SDR16C5: variants seen among roughly 807,000 people sequenced by gnomAD.
SDR16C5 encodes epidermal retinol dehydrogenase 2.
Under a neutral mutation model 27.7 loss-of-function variants are expected in SDR16C5, and 20 were observed. That is an observed-to-expected ratio of 0.72 (90% CI 0.51 to 1.05). SDR16C5 has a LOEUF of 1.05. Among genes scored for constraint, SDR16C5 ranks in the 50% least tolerant of loss-of-function variants. The pLI is 0.00. For synonymous variants in SDR16C5, 139 were observed against 132.3 expected, an observed-to-expected ratio of 1.05 and a Z score of -0.35; for missense variants, 374 against 366.3, an observed-to-expected ratio of 1.02 and a Z score of -0.17.
chr8:56,305,683 T>G lies in SDR16C5; in HGVS notation c.750A>C (p.Ala250=), dbSNP rs767576869. The change falls in exon 6 of 7, where the codon GCA becomes GCC. Residue 250 remains alanine, a synonymous_variant. Coordinates refer to ENST00000303749, the MANE Select transcript of SDR16C5 (RefSeq NM_138969.4). ...SLLPILEPKY[A]VEKIVEAILQ... ...GAATAGCTTCTACTATTTTTTCAACTGCATATTTTGGTTCCAGAATTGGCA... is the reference window on the plus strand; with the variant it reads ...GAATAGCTTCTACTATTTTTTCAACGGCATATTTTGGTTCCAGAATTGGCA... 6.2e-7 allele frequency: 1 copy of G among 1,603,390 alleles called. No homozygotes were observed. The highest frequency in any genetic ancestry group is 1.1e-5 in the South Asian group (1 of 87,122).
rs1357652431 is a variant in SDR16C5 at position 56,300,281 on chromosome 8, C to A, written c.*1199G>T. On this transcript the variant is annotated 3_prime_UTR_variant, in exon 7 of 7. Transcript: ENST00000303749. Reference sequence around the variant, plus strand: ...CCATAGTGGATTCCAGAGTTTACACCCCCTGAGACTGCTGCCCCTATGACA... The same window carrying A: ...CCATAGTGGATTCCAGAGTTTACACACCCTGAGACTGCTGCCCCTATGACA... 1 of 151,898 alleles carries A rather than the reference C, an allele frequency of 6.6e-6. No homozygotes were observed. The allele number at this position is 151,898 out of a possible 1,614,324, so 9.4% of individuals were successfully genotyped here. A position where few individuals can be genotyped will look rare whatever the true frequency, so the allele number is the denominator to read the frequency against.
Position 56,301,167 on chromosome 8 carries a change from A to G in SDR16C5, c.*313T>C, listed in dbSNP as rs1455424039. The G allele has an allele frequency of 4.3e-6, 1 of 232,786 alleles. No homozygotes were observed. The highest frequency in any genetic ancestry group is 8.5e-6 in the Non-Finnish European group (1 of 117,356). The allele number at this position is 232,786 out of a possible 1,614,324, so 14.4% of individuals were successfully genotyped here. Reference sequence around the variant, plus strand: ...TGGCTCCATTTGAGCCACCTCCCCAACGACCAAAGCTCAGGGCAGCTCATG... The same window carrying G: ...TGGCTCCATTTGAGCCACCTCCCCAGCGACCAAAGCTCAGGGCAGCTCATG... On this transcript the variant is annotated 3_prime_UTR_variant, in exon 7 of 7. Coordinates refer to ENST00000303749, the MANE Select transcript of SDR16C5 (RefSeq NM_138969.4).
At chr8:56,317,563 G>C (rs972644355) in intron 1 of SDR16C5, among the ~76,000 whole-genome samples, 11 of 152,188 alleles carry the variant, frequency 7.2e-5, no homozygotes, top group African/African-American at 2.7e-4. Context: ...CAGGTGTGAG[G>C]AGACAGGAGG....
At position 56,305,236 on chromosome 8, in the gene SDR16C5, G is replaced by A. The variant is rs1409215207; in HGVS notation, c.836+361C>T. Among the ~76,000 whole-genome samples the A allele has an allele frequency of 2.0e-5, 3 of 152,156 alleles. No homozygotes were observed. In the East Asian group the frequency reaches 5.8e-4, roughly 29 times the overall value. ...GACTTTGGGACCCTGTACTTGAGGA[G>A]GCATGGATACAATATCTATTCCAAC... On this transcript the variant is annotated intron_variant, in intron 6 of 6. Coordinates refer to ENST00000303749, the MANE Select transcript of SDR16C5 (RefSeq NM_138969.4).
In SDR16C5 at chr8:56,300,349, T is replaced by C. The variant is rs1814720110; in HGVS notation, c.*1131A>G. The C allele has an allele frequency of 6.6e-6, 1 of 152,040 alleles. No homozygotes were observed. Among genetic ancestry groups the C allele is most frequent in the African/African-American group, 2.4e-5 (1 of 41,378 alleles). The allele number at this position is 152,040 out of a possible 1,614,324, so 9.4% of individuals were successfully genotyped here. A position where few individuals can be genotyped will look rare whatever the true frequency, so the allele number is the denominator to read the frequency against. Reference sequence around the variant, plus strand: ...TAGTCAAATTCTCAATTCTTTAGACTTTTACCGGGTCTCCCAAGGTACCGC... The same window carrying C: ...TAGTCAAATTCTCAATTCTTTAGACCTTTACCGGGTCTCCCAAGGTACCGC... On this transcript the variant is annotated 3_prime_UTR_variant, in exon 7 of 7. Transcript: ENST00000303749.
chr8:56,304,400 C>T (rs1000172263), intron 6 of SDR16C5, among the ~76,000 whole-genome samples: 1 of 152,118 alleles, frequency 6.6e-6, no homozygotes, highest in Non-Finnish European at 1.5e-5. Context: ...CTGTTACAGT[C>T]TAGAAAATGA....
At position 56,311,363 on chromosome 8, in the gene SDR16C5, C is replaced by T. The variant is rs112507099; in HGVS notation, c.465+794G>A. Among the ~76,000 whole-genome samples, 697 of 152,242 alleles carry T rather than the reference C, an allele frequency of 4.6e-3. 5 individuals carry two copies. Among genetic ancestry groups the T allele is most frequent in the African/African-American group, 0.016 (656 of 41,522 alleles). On this transcript the variant is annotated intron_variant, in intron 3 of 6. Coordinates refer to ENST00000303749, the MANE Select transcript of SDR16C5 (RefSeq NM_138969.4). ...CCGGGAGGTTGGAGGTTGCAGTGAG[C>T]TGAGATCACACCACTGAACTCCAGC...
At chr8:56,307,157 G>A (rs955894898) in intron 4 of SDR16C5, among the ~76,000 whole-genome samples, 5 of 152,174 alleles carry the variant, frequency 3.3e-5, no homozygotes, top group Admixed American at 6.6e-5. Context: ...TCAAAAAATT[G>A]CAATCCCATT....
intron 1 of SDR16C5, among the ~76,000 whole-genome samples, chr8:56,316,626 C>T (rs1815206136): frequency 6.6e-6 from 1 of 152,156 alleles, no homozygotes; most frequent in Non-Finnish European, 1.5e-5. Flanking sequence ...TGTTTGTTAA[C>T]CAGGAACTGT....
intron 3 of SDR16C5, among the ~76,000 whole-genome samples, chr8:56,311,169 T>C (rs1815035601): frequency 6.6e-6 from 1 of 152,174 alleles, no homozygotes; most frequent in Non-Finnish European, 1.5e-5. Context: ...ATCCCAGCAC[T>C]GTGGGAGGCC....
chr8:56,306,198 A>G (rs6990516), intron 5 of SDR16C5, among the ~76,000 whole-genome samples: 1,621 of 152,254 alleles, frequency 0.011, 27 homozygotes, highest in African/African-American at 0.037. Context: ...CATGAATGGG[A>G]TTAGTGCCTG....
At chr8:56,319,841 C>T (rs1321359972) in intron 1 of SDR16C5, among the ~76,000 whole-genome samples, 2 of 152,162 alleles carry the variant, frequency 1.3e-5, no homozygotes, top group African/African-American at 4.8e-5. Flanking sequence ...TTAGCCGTAG[C>T]CACGGGAGCC....
At chr8:56,317,295 G>C (rs949538082) in intron 1 of SDR16C5, among the ~76,000 whole-genome samples, 2 of 152,018 alleles carry the variant, frequency 1.3e-5, no homozygotes, top group African/African-American at 4.8e-5. Context: ...GCATCCACTA[G>C]GTCTGCTGAA....
intron 3 of SDR16C5, 55 bp from the exon 4 acceptor site, chr8:56,309,082 C>T: frequency 7.4e-7 from 1 of 1,350,644 alleles, no homozygotes; most frequent in Non-Finnish European, 1.0e-6. Flanking sequence ...ATAATTTTCT[C>T]AGATATTTAT....
rs1402579406 is a variant in SDR16C5 at position 56,306,829 on chromosome 8, G to C, written c.566-9C>G. On this transcript the variant is annotated splice_polypyrimidine_tract_variant and intron_variant, in intron 4 of 6. Transcript: ENST00000303749. ...TTTACTTGCACAGTAATCTGAAAAA[G>C]ACAAAGCATGATAACGTATATTCCA... 2 of 1,607,858 alleles carry C rather than the reference G, an allele frequency of 1.2e-6. No homozygotes were observed. The highest frequency in any genetic ancestry group is 3.4e-5 in the Admixed American group (2 of 58,666).
chr8:56,317,513 T>C (rs1815231324), intron 1 of SDR16C5, among the ~76,000 whole-genome samples: 1 of 152,162 alleles, frequency 6.6e-6, no homozygotes, highest in Non-Finnish European at 1.5e-5. Context: ...GGGAGCCTTC[T>C]CTGAATGGGG....
intron 1 of SDR16C5, among the ~76,000 whole-genome samples, chr8:56,317,936 T>C (rs1201316182): frequency 6.6e-6 from 1 of 152,228 alleles, no homozygotes; most frequent in Non-Finnish European, 1.5e-5. Flanking sequence ...CCAAGTAATC[T>C]AGTTGAAGAG....
At chr8:56,306,167 A>G (rs1253959200) in intron 5 of SDR16C5, among the ~76,000 whole-genome samples, 1 of 152,158 alleles carries the variant, frequency 6.6e-6, no homozygotes, top group Non-Finnish European at 1.5e-5. Context: ...AGGTGTAGCT[A>G]GGTCACCAGT....
At chr8:56,308,583 AG>A (rs1814943302) in intron 4 of SDR16C5, among the ~76,000 whole-genome samples, 1 of 152,360 alleles carries the variant, frequency 6.6e-6, no homozygotes, top group African/African-American at 2.4e-5. Context: ...AGGAGAAGAC[AG>A]GGTCATCCTC....
Sources: allele counts gnomAD v4.1 joint callset (sites outside exome capture counted in the v4.1 genomes callset), GRCh38; gene constraint gnomAD v4.1.1; transcripts MANE v1.5; gene names NCBI Gene and HGNC (gene_info 2026-07-23, HGNC 2026-07-21).